Variants in NHS observed in about 807,000 individuals in gnomAD.
NHS encodes the protein actin remodeling regulator NHS.
A neutral mutation model predicts 72.5 loss-of-function variants in NHS; 5 were observed. The observed-to-expected ratio is 0.07, with a 90% CI of 0.04 to 0.14. The LOEUF is 0.14. NHS is among the 10% of genes least tolerant of loss of function. The pLI, the probability that NHS is intolerant of heterozygous loss-of-function variation, is 1.00. For missense variants in NHS, 1,072 were observed against 1,355.7 expected, an observed-to-expected ratio of 0.79 and a Z score of 3.29; for synonymous variants, 464 against 547.7, an observed-to-expected ratio of 0.85 and a Z score of 2.13.
chrX:17,541,767 AACACACACACACACACAC>A (rs57700886), intron 1 of NHS, among the ~76,000 whole-genome samples: 133 of 62,918 alleles, frequency 2.1e-3, no homozygotes, highest in African/African-American at 8.7e-3. Flanking sequence ...TGAGTTTGCG[AACACACACACACACACAC>A]ACACACACAC....
At chrX:17,631,587 G>A (rs2065822349) in intron 1 of NHS, among the ~76,000 whole-genome samples, 1 of 111,643 alleles carries the variant, frequency 9.0e-6, no homozygotes, top group South Asian at 3.8e-4. Context: ...CAGAATAGGG[G>A]AGTATTCTAG....
intron 1 of NHS, among the ~76,000 whole-genome samples, chrX:17,542,057 A>T (rs1199828285): frequency 2.7e-5 from 3 of 112,377 alleles, no homozygotes; most frequent in African/African-American, 9.7e-5. Context: ...ACCAGTAGGG[A>T]CATCTAAAGC....
chrX:17,649,080 T>C (rs1183306082), intron 1 of NHS, among the ~76,000 whole-genome samples: 1 of 111,986 alleles, frequency 8.9e-6, no homozygotes, highest in Non-Finnish European at 1.9e-5. Context: ...TCCCACCCCT[T>C]TCCCTTCCAG....
chrX:17,559,983 A>G (rs1441175175), intron 1 of NHS, among the ~76,000 whole-genome samples: 1 of 111,805 alleles, frequency 8.9e-6, no homozygotes, highest in Non-Finnish European at 1.9e-5. Flanking sequence ...GAATCCTTGT[A>G]TCTGAGTCTG....
rs1195158823 is a variant in NHS at position 17,734,618 on chromosome X, A to G, written c.*2154A>G. ...TTACAAAATGTCACACTTTTTCTTA[A>G]AAGAAAAATATTTTGGGGTTTGAAT... On this transcript the variant is annotated 3_prime_UTR_variant, in exon 9 of 9. Coordinates refer to ENST00000676302, the MANE Select transcript of NHS (RefSeq NM_001291867.2). The G allele has an allele frequency of 8.9e-6, 1 of 111,793 alleles. No individual in the cohort carries two copies. The highest frequency in any genetic ancestry group is 1.9e-5 in the Non-Finnish European group (1 of 53,100). 9.2% of individuals were successfully genotyped at this position (111,793 alleles called of 1,213,427 possible). A position where few individuals can be genotyped will look rare whatever the true frequency, so the allele number is the denominator to read the frequency against.
At chrX:17,546,283 C>G (rs1454660170) in intron 1 of NHS, among the ~76,000 whole-genome samples, 1 of 112,418 alleles carries the variant, frequency 8.9e-6, no homozygotes, top group Non-Finnish European at 1.9e-5. Flanking sequence ...TCCTGCCATT[C>G]TCTGTCTCAT....
At position 17,439,087 on chromosome X, in the gene NHS, A is replaced by C. The variant is rs369914628; in HGVS notation, c.565+62765A>C. Among the ~76,000 whole-genome samples the C allele has an allele frequency of 5.3e-4, 45 of 84,173 alleles. 3 individuals carry two copies. The highest frequency in any genetic ancestry group is 4.8e-3 in the East Asian group (11 of 2,272). 73.1% of individuals were successfully genotyped at this position (84,173 alleles called of 115,157 possible). A position where few individuals can be genotyped will look rare whatever the true frequency, so the allele number is the denominator to read the frequency against. ...CTCCATCTTCCTTCAAAATTGGTGC[A>C]CATTGACAGAATGGGGAGAAAGATA... is the stretch of plus-strand genomic sequence containing the variant. On this transcript the variant is annotated intron_variant, in intron 1 of 8. Coordinates refer to ENST00000676302, the MANE Select transcript of NHS (RefSeq NM_001291867.2).
chrX:17,588,492 C>G (rs1369012601), intron 1 of NHS, among the ~76,000 whole-genome samples: 1 of 111,989 alleles, frequency 8.9e-6, no homozygotes, highest in Non-Finnish European at 1.9e-5. Context: ...TGTAGAGGAC[C>G]TGACAGCTTA....
chrX:17,690,984 AG>A (rs2066192086), intron 2 of NHS, among the ~76,000 whole-genome samples: 1 of 111,689 alleles, frequency 9.0e-6, no homozygotes, highest in South Asian at 3.8e-4. Flanking sequence ...CATTGGTCTA[AG>A]GGAATAAGGA....
At chrX:17,719,434 G>A (rs1335459200) in intron 4 of NHS, 28 bp downstream of exon 4, 4 of 1,085,220 alleles carry the variant, frequency 3.7e-6, no homozygotes, top group East Asian at 3.3e-5. Context: ...ATTCCTTCAC[G>A]GCCCTATCCC....
chrX:17,597,290 T>A (rs1264536661), intron 1 of NHS, among the ~76,000 whole-genome samples: 8 of 109,031 alleles, frequency 7.3e-5, no homozygotes, highest in Non-Finnish European at 1.5e-4. Flanking sequence ...TGGCTAATTT[T>A]ATTTTTTTGT....
intron 1 of NHS, among the ~76,000 whole-genome samples, chrX:17,506,414 C>T (rs1358796810): frequency 9.1e-6 from 1 of 109,825 alleles, no homozygotes; most frequent in Non-Finnish European, 1.9e-5. Flanking sequence ...CCTGTAATCC[C>T]AGCTACTCAG....
At chrX:17,425,387 T>G (rs988252921) in intron 1 of NHS, among the ~76,000 whole-genome samples, 69 of 109,714 alleles carry the variant, frequency 6.3e-4, no homozygotes, top group African/African-American at 2.1e-3. Context: ...CTCCAGACCC[T>G]TGGATGTCAT....
intron 1 of NHS, among the ~76,000 whole-genome samples, chrX:17,473,901 T>C (rs910099821): frequency 9.0e-6 from 1 of 111,469 alleles, no homozygotes; most frequent in Non-Finnish European, 1.9e-5. Context: ...AACAATGCTT[T>C]ATATTTATTT....
At chrX:17,591,516 A>G (rs2065602706) in intron 1 of NHS, among the ~76,000 whole-genome samples, 1 of 111,919 alleles carries the variant, frequency 8.9e-6, no homozygotes, top group Non-Finnish European at 1.9e-5. Context: ...TGAAGACAGA[A>G]TCCTCCACCC....
At chrX:17,594,715 A>G (rs1294428340) in intron 1 of NHS, among the ~76,000 whole-genome samples, 1 of 112,891 alleles carries the variant, frequency 8.9e-6, no homozygotes, top group Non-Finnish European at 1.9e-5. Context: ...ATTCTTGTGC[A>G]CGCCCTTCAT....
intron 1 of NHS, among the ~76,000 whole-genome samples, chrX:17,615,375 T>C (rs1163840514): frequency 5.7e-5 from 6 of 105,613 alleles, no homozygotes; most frequent in Non-Finnish European, 1.2e-4. Flanking sequence ...ACCTCAGCCT[T>C]CTGAGTAGCT....
chrX:17,509,179 C>A (rs1197284991), intron 1 of NHS, among the ~76,000 whole-genome samples: 1 of 109,489 alleles, frequency 9.1e-6, no homozygotes, highest in Non-Finnish European at 1.9e-5. Flanking sequence ...CTTCTTTATT[C>A]TTGAACTTCA....
At chrX:17,497,546 C>A (rs1438807250) in intron 1 of NHS, among the ~76,000 whole-genome samples, 1 of 111,978 alleles carries the variant, frequency 8.9e-6, no homozygotes, top group Non-Finnish European at 1.9e-5. Context: ...GAATTGAAAG[C>A]CCCTGCTTTC....
Sources: allele counts gnomAD v4.1 joint callset (sites outside exome capture counted in the v4.1 genomes callset), GRCh38; gene constraint gnomAD v4.1.1; transcripts MANE v1.5; gene names NCBI Gene and HGNC (gene_info 2026-07-23, HGNC 2026-07-21).